Variants in SLMAP observed in about 807,000 individuals in gnomAD.
The protein encoded by SLMAP is sarcolemmal membrane-associated protein.
SLMAP carries 44 observed loss-of-function variants against 128.8 expected under a neutral mutation model. The observed-to-expected ratio is 0.34, with a 90% confidence interval of 0.27 to 0.44. SLMAP has a LOEUF of 0.44. SLMAP is among the 20% of genes least tolerant of loss of function. The pLI is 1.00. For synonymous variants in SLMAP, 327 were observed against 348.8 expected (o/e 0.94, Z 0.70); for missense variants, 787 against 985.3 (o/e 0.80, Z 2.69).
chr3:57,794,210 A>T (rs1356319450), intron 2 of SLMAP, among the ~76,000 whole-genome samples: 2 of 151,818 alleles, frequency 1.3e-5, no homozygotes, highest in Non-Finnish European at 2.9e-5. Context: ...GTGCATTTTA[A>T]TAGAACTTTC....
chr3:57,910,155 C>G (rs1224573568), intron 19 of SLMAP, among the ~76,000 whole-genome samples: 2 of 151,832 alleles, frequency 1.3e-5, no homozygotes, highest in African/African-American at 4.8e-5. Context: ...ATATTGCCAT[C>G]TAATGCTCAG....
chr3:57,871,369 C>A (rs2095476313), intron 13 of SLMAP, among the ~76,000 whole-genome samples: 1 of 152,016 alleles, frequency 6.6e-6, no homozygotes. Flanking sequence ...GGTGGAAGAA[C>A]CATTTTAAAG....
chr3:57,798,237 T>A (rs1185082798), intron 2 of SLMAP, among the ~76,000 whole-genome samples: 1 of 152,162 alleles, frequency 6.6e-6, no homozygotes, highest in Admixed American at 6.5e-5. Context: ...TATTTAGGTA[T>A]TTTCAGGATT....
chr3:57,876,684 G>T (rs773029370), intron 14 of SLMAP, among the ~76,000 whole-genome samples: 3 of 152,218 alleles, frequency 2.0e-5, no homozygotes, highest in African/African-American at 4.8e-5. Context: ...TTCTGCTAAA[G>T]ATGTTTTCCA....
chr3:57,826,413 T>G (rs1255583386), intron 2 of SLMAP, among the ~76,000 whole-genome samples: 2 of 152,230 alleles, frequency 1.3e-5, no homozygotes, highest in African/African-American at 4.8e-5. Flanking sequence ...TTGCTAATTT[T>G]TATATGAAAT....
chr3:57,803,233 C>A (rs1188642992), intron 2 of SLMAP, among the ~76,000 whole-genome samples: 2 of 151,930 alleles, frequency 1.3e-5, no homozygotes, highest in African/African-American at 4.8e-5. Context: ...TGAGTATATA[C>A]TCATGTTTCC....
chr3:57,776,867 T>C (rs946178282), intron 2 of SLMAP, among the ~76,000 whole-genome samples: 3 of 152,080 alleles, frequency 2.0e-5, no homozygotes, highest in Non-Finnish European at 4.4e-5. Flanking sequence ...TGATCATGTT[T>C]AACACTTCAC....
intron 2 of SLMAP, among the ~76,000 whole-genome samples, chr3:57,768,663 T>G (rs908584891): frequency 1.3e-5 from 2 of 152,180 alleles, no homozygotes; most frequent in African/African-American, 4.8e-5. Context: ...GTATCAGTTT[T>G]TCACTTGACC....
intron 2 of SLMAP, among the ~76,000 whole-genome samples, chr3:57,825,679 A>G (rs1182356303): frequency 2.0e-5 from 3 of 152,110 alleles, no homozygotes; most frequent in Admixed American, 6.6e-5. Context: ...GCCTTGCACC[A>G]GTTCTTCCTA....
At chr3:57,869,838 G>C (rs1289506248) in intron 13 of SLMAP, among the ~76,000 whole-genome samples, 1 of 150,826 alleles carries the variant, frequency 6.6e-6, no homozygotes, top group Admixed American at 6.6e-5. Context: ...ATCTCAATTA[G>C]AGCTAGCCAC....
intron 14 of SLMAP, among the ~76,000 whole-genome samples, chr3:57,879,797 C>T (rs2095685699): frequency 6.6e-6 from 1 of 151,700 alleles, no homozygotes; most frequent in African/African-American, 2.4e-5. Flanking sequence ...AAAAAATTAG[C>T]TGGGCATGTG....
chr3:57,855,691 C>T (rs530186245), intron 6 of SLMAP, among the ~76,000 whole-genome samples: 3 of 95,668 alleles, frequency 3.1e-5, no homozygotes, highest in African/African-American at 1.3e-4. Context: ...TCCTGAGCAA[C>T]ATAAGAACGC....
At chr3:57,787,722 C>T (rs1253471534) in intron 2 of SLMAP, among the ~76,000 whole-genome samples, 1 of 152,198 alleles carries the variant, frequency 6.6e-6, no homozygotes, top group East Asian at 1.9e-4. Context: ...GTGATCTGCC[C>T]ACCTCAGCCT....
chr3:57,757,943 G>A lies in SLMAP; in HGVS notation c.198+94G>A. The A allele has an allele frequency of 3.6e-6, 4 of 1,105,842 alleles. No homozygotes were observed. In the Admixed American group the frequency reaches 8.1e-5, roughly 23 times the overall value. The allele number at this position is 1,105,842 out of a possible 1,614,324, so 68.5% of individuals were successfully genotyped here. Reference sequence around the variant, plus strand: ...GGACTAATGTATGCAGGATCCCAGGGTTTGCATCCAGAGGAGGCTTTGCGC... The same window carrying A: ...GGACTAATGTATGCAGGATCCCAGGATTTGCATCCAGAGGAGGCTTTGCGC... On this transcript the variant is annotated intron_variant, in intron 2 of 24. Transcript: ENST00000671191.
chr3:57,877,727 T>C (rs540611800), intron 14 of SLMAP, among the ~76,000 whole-genome samples: 2 of 152,284 alleles, frequency 1.3e-5, no homozygotes, highest in South Asian at 2.1e-4. Flanking sequence ...TGTTTTGGTA[T>C]GTGTACTGTT....
rs2096249194 is a variant in SLMAP, at chr3:57,896,596, G to T, written c.1441+5G>T. On this transcript the variant is annotated splice_donor_5th_base_variant and intron_variant, in intron 16 of 24. Transcript: ENST00000671191. ...AAAGCAGTGACGACACTACAGGTGA[G>T]TTTTAACCTAATGTTTACAGACCTG... The T allele has an allele frequency of 6.3e-7, 1 of 1,596,048 alleles. No individual in the cohort carries two copies. The highest frequency in any genetic ancestry group is 8.5e-7 in the Non-Finnish European group (1 of 1,170,762).
chr3:57,775,033 G>A (rs1296799750), intron 2 of SLMAP, among the ~76,000 whole-genome samples: 1 of 151,734 alleles, frequency 6.6e-6, no homozygotes, highest in East Asian at 1.9e-4. Context: ...TGAATGTTGG[G>A]ATTGGATAAG....
intron 2 of SLMAP, among the ~76,000 whole-genome samples, chr3:57,796,335 T>G (rs1326630839): frequency 6.6e-6 from 1 of 152,200 alleles, no homozygotes; most frequent in East Asian, 1.9e-4. Flanking sequence ...TCCAGGAGAC[T>G]TTGCATGATG....
At chr3:57,795,408 G>A (rs1026867516) in intron 2 of SLMAP, among the ~76,000 whole-genome samples, 5 of 152,064 alleles carry the variant, frequency 3.3e-5, no homozygotes, top group African/African-American at 7.2e-5. Flanking sequence ...GCATGGTGGC[G>A]CACACCTGTA....
Sources: allele counts gnomAD v4.1 joint callset (sites outside exome capture counted in the v4.1 genomes callset), GRCh38; gene constraint gnomAD v4.1.1; transcripts MANE v1.5; gene names NCBI Gene and HGNC (gene_info 2026-07-23, HGNC 2026-07-21).